The following SLC4A7 variants were observed in gnomAD, a reference collection of about 807,000 sequenced individuals.
The protein encoded by SLC4A7 is sodium bicarbonate cotransporter 3.
In SLC4A7, 51 loss-of-function variants were observed where a neutral mutation model predicts 137.6. That is an observed-to-expected ratio of 0.37 (90% CI 0.30 to 0.47). The LOEUF is 0.47. Among genes scored for constraint, SLC4A7 ranks in the 20% least tolerant of loss-of-function variants. SLC4A7 has a pLI of 1.00. For missense variants in SLC4A7, 1,247 were observed against 1,525.4 expected (o/e 0.82, Z 3.04); for synonymous variants, 542 against 518.6 (o/e 1.05, Z -0.61).
rs1459395116 is a variant in SLC4A7 at position 27,431,343 on chromosome 3, T to G, written c.1105A>C (p.Lys369Gln). The G allele has an allele frequency of 1.2e-6, 2 of 1,610,756 alleles. No homozygotes were observed. Among genetic ancestry groups the G allele is most frequent in the Non-Finnish European group, 1.7e-6 (2 of 1,178,264 alleles). ...PPEEDLEAALKGEEQKNEENV... is the reference protein window; with the variant it reads ...PPEEDLEAALQGEEQKNEENV... ...TCCTCATTCTTCTGCTCCTCGCCTT[T>G]CAGCGCTGCTTCTAAGTCTTCCTCA... Residue 369 changes from lysine (K) to glutamine (Q), a missense_variant, in exon 7 of 26, where the codon AAA becomes CAA. Physicochemically the swap from Lys to Gln is moderately conservative, Grantham distance 53. Coordinates refer to ENST00000454389, the MANE Select transcript of SLC4A7 (RefSeq NM_001321103.2).
chr3:27,384,068 C>T (rs913433054), intron 23 of SLC4A7, among the ~76,000 whole-genome samples: 4 of 152,018 alleles, frequency 2.6e-5, no homozygotes, highest in African/African-American at 2.4e-5. Context: ...TGGCGGTGAT[C>T]GATAGGACAG....
intron 5 of SLC4A7, among the ~76,000 whole-genome samples, chr3:27,434,393 T>C (rs1171554036): frequency 6.6e-6 from 1 of 152,196 alleles, no homozygotes; most frequent in Non-Finnish European, 1.5e-5. Flanking sequence ...ATAAATTCTA[T>C]TAAGCTGAAT....
Position 27,379,685 on chromosome 3 carries a change from G to A in SLC4A7, c.3591-329C>T, listed in dbSNP as rs77847653. On this transcript the variant is annotated intron_variant, in intron 24 of 25. Coordinates refer to ENST00000454389, the MANE Select transcript of SLC4A7 (RefSeq NM_001321103.2). ...AAAATATGTTACTGAAATAACATAC[G>A]ACTATGTTAATGTGCTTATACATAC... Among the ~76,000 whole-genome samples, 290 of 151,662 alleles carry A rather than the reference G, an allele frequency of 1.9e-3. 2 individuals carry two copies. Among genetic ancestry groups the A allele is most frequent in the African/African-American group, 6.5e-3 (267 of 41,390 alleles).
chr3:27,433,988 G>A lies in SLC4A7; in HGVS notation c.706C>T (p.Arg236Trp). The A allele has an allele frequency of 6.2e-6, 10 of 1,613,794 alleles. No individual in the cohort carries two copies. Among genetic ancestry groups the A allele is most frequent in the Non-Finnish European group, 8.5e-6 (10 of 1,179,874 alleles). The change falls in exon 6 of 26, where the codon CGG becomes TGG. Residue 236 changes from arginine (R) to tryptophan (W), a missense_variant. Arg to Trp is a moderately radical substitution (Grantham distance 101). Transcript: ENST00000454389. ...GCAAAAGATCGAACAAGAGGAATCC[G>A]ACTGGTGAATCTTTTCTCATTCTGA... ...HHQNEKRFTS[R>W]IPLVRSFADI... is the part of the protein sequence containing the mutation.
At chr3:27,445,055 T>C (rs531557643) in intron 3 of SLC4A7, among the ~76,000 whole-genome samples, 2 of 152,352 alleles carry the variant, frequency 1.3e-5, no homozygotes, top group East Asian at 1.9e-4. Context: ...CTGAGAACTC[T>C]ATCCAATACC....
chr3:27,433,222 TA>T (rs1397963378), intron 6 of SLC4A7: 1 of 152,234 alleles, frequency 6.6e-6, no homozygotes, highest in African/African-American at 2.4e-5. Flanking sequence ...TTACAGCAAC[TA>T]CTGGAGGCTA....
At chr3:27,406,633 A>C (rs1201579353) in intron 13 of SLC4A7, among the ~76,000 whole-genome samples, 1 of 152,182 alleles carries the variant, frequency 6.6e-6, no homozygotes, top group African/African-American at 2.4e-5. Flanking sequence ...AGCTTAAGTC[A>C]AAGGAAAAAA....
At position 27,460,368 on chromosome 3, in the gene SLC4A7, A is replaced by C. The variant is rs147210491; in HGVS notation, c.61-7870T>G. On this transcript the variant is annotated intron_variant, in intron 1 of 25. Coordinates refer to ENST00000454389, the MANE Select transcript of SLC4A7 (RefSeq NM_001321103.2). ...TTTTGTATCAAGGTGCATAACATTT[A>C]CATTCCATTCAATATTTATAATAAA... Among the ~76,000 whole-genome samples, 588 of 152,258 alleles carry C rather than the reference A, an allele frequency of 3.9e-3. 6 individuals are homozygous for C. The highest frequency in any genetic ancestry group is 0.014 in the African/African-American group (571 of 41,564).
chr3:27,400,417 T>C (rs1433412520), intron 16 of SLC4A7, among the ~76,000 whole-genome samples: 1 of 152,182 alleles, frequency 6.6e-6, no homozygotes, highest in Non-Finnish European at 1.5e-5. Flanking sequence ...TAAAATATTG[T>C]AAAGGACAGT....
intron 21 of SLC4A7, among the ~76,000 whole-genome samples, chr3:27,391,264 T>G (rs1268395438): frequency 6.6e-6 from 1 of 152,224 alleles, no homozygotes; most frequent in Non-Finnish European, 1.5e-5. Flanking sequence ...TATTTCTGTT[T>G]CCTGATTTAT....
At chr3:27,483,785 G>C (rs1483201726) in intron 1 of SLC4A7, among the ~76,000 whole-genome samples, 1 of 151,898 alleles carries the variant, frequency 6.6e-6, no homozygotes, top group African/African-American at 2.4e-5. Flanking sequence ...CGGCCTCTGC[G>C]GGGATGTCGG....
intron 7 of SLC4A7, among the ~76,000 whole-genome samples, 175 bp downstream of exon 7, chr3:27,431,123 T>C (rs141801894): frequency 4.3e-4 from 65 of 152,252 alleles, no homozygotes; most frequent in Non-Finnish European, 8.7e-4. Flanking sequence ...AAAACCGCAA[T>C]TACTTTTGCA....
chr3:27,454,031 C>T (rs2058253653), intron 1 of SLC4A7, among the ~76,000 whole-genome samples: 2 of 152,246 alleles, frequency 1.3e-5, no homozygotes, highest in Middle Eastern at 3.4e-3. Flanking sequence ...AGAAGATGGG[C>T]TAGGTGTGGT....
intron 3 of SLC4A7, among the ~76,000 whole-genome samples, chr3:27,445,347 A>C (rs1365430953): frequency 6.6e-6 from 1 of 151,544 alleles, no homozygotes; most frequent in African/African-American, 2.4e-5. Context: ...ATGCTCCTCA[A>C]CTCTAGGCTC....
At chr3:27,383,048 T>C in intron 24 of SLC4A7, 105 bp downstream of exon 24, 1 of 717,570 alleles carries the variant, frequency 1.4e-6, no homozygotes, top group South Asian at 1.8e-5. Flanking sequence ...GCAGATTGTA[T>C]CATCTTTTAT....
chr3:27,434,044 A>G lies in SLC4A7; in HGVS notation c.650T>C (p.Val217Ala), dbSNP rs1178293423. The G allele has an allele frequency of 6.2e-7, 1 of 1,613,860 alleles. No homozygotes were observed. Among genetic ancestry groups the G allele is most frequent in the South Asian group, 1.1e-5 (1 of 91,066 alleles). Residue 217 changes from valine (V) to alanine (A), a missense_variant, in exon 6 of 26, where the codon GTC (valine) becomes GCC (alanine). Physicochemically the swap from Val to Ala is moderately conservative, Grantham distance 64. This residue lies in a region of SLC4A7 where 223 missense variants were observed against 203.6 expected (regional missense o/e 1.10). Coordinates refer to ENST00000454389, the MANE Select transcript of SLC4A7 (RefSeq NM_001321103.2). ...GQLDESIREN[V>A]REALLKRHHH... Reference sequence around the variant, plus strand: ...ATGTCTCTTCAGAAGAGCTTCTCTGACATTCTCTCGTATGGACTCGTCTAA... The same window carrying G: ...ATGTCTCTTCAGAAGAGCTTCTCTGGCATTCTCTCGTATGGACTCGTCTAA...
intron 11 of SLC4A7, among the ~76,000 whole-genome samples, chr3:27,415,898 C>T (rs185766578): frequency 8.1e-4 from 123 of 152,310 alleles, no homozygotes; most frequent in Non-Finnish European, 1.5e-3. Context: ...GCTACAGTGA[C>T]GACTTTACGT....
intron 8 of SLC4A7, among the ~76,000 whole-genome samples, chr3:27,422,533 C>G (rs1209639549): frequency 6.6e-6 from 1 of 152,132 alleles, no homozygotes. Flanking sequence ...CCTCCCAAAA[C>G]ACAGGGATTA....
At chr3:27,416,935 A>G (rs1442381772) in intron 11 of SLC4A7, among the ~76,000 whole-genome samples, 1 of 152,222 alleles carries the variant, frequency 6.6e-6, no homozygotes, top group Non-Finnish European at 1.5e-5. Context: ...TTGTCATCAC[A>G]ACTTTTTAAA....
Sources: gnomAD v4.1 joint callset for allele counts (sites outside exome capture counted in the v4.1 genomes callset) on GRCh38, gnomAD v4.1.1 for gene constraint, gnomAD v4.1.1 regional missense constraint, MANE v1.5 for transcripts, NCBI Gene and HGNC (gene_info 2026-07-23, HGNC 2026-07-21) for gene names.